Variants in TNIK observed in about 807,000 individuals in gnomAD.
TNIK encodes TRAF2 and NCK-interacting protein kinase.
TNIK carries 49 observed loss-of-function variants against 191.3 expected under a neutral mutation model. The observed-to-expected ratio is 0.26, with a 90% CI of 0.20 to 0.32. The LOEUF is 0.32. Ranked by LOEUF, TNIK falls within the 10% of genes least tolerant of loss-of-function variation. The pLI is 1.00. For synonymous variants in TNIK, 594 were observed against 600.9 expected (o/e 0.99, Z 0.17); for missense variants, 1,155 against 1,702.3 (o/e 0.68, Z 5.66).
intron 28 of TNIK, among the ~76,000 whole-genome samples, chr3:171,077,071 T>TTCC (rs376107233): frequency 5.9e-4 from 84 of 142,978 alleles, no homozygotes; most frequent in African/African-American, 2.2e-3. Flanking sequence ...CCTTTCTTGT[T>TTCC]CCCCCCCCCC....
At chr3:171,206,335 G>GTATATA (rs60356829) in intron 4 of TNIK, among the ~76,000 whole-genome samples, 1,552 of 133,050 alleles carry the variant, frequency 0.012, 35 homozygotes, top group African/African-American at 0.036. Context: ...ATATGTTCGT[G>GTATATA]TATATATATA....
At chr3:171,125,056 ATGTATT>A (rs1355167376) in intron 17 of TNIK, among the ~76,000 whole-genome samples, 3 of 152,188 alleles carry the variant, frequency 2.0e-5, no homozygotes, top group Admixed American at 6.5e-5. Flanking sequence ...AGATGAGGAA[ATGTATT>A]TGTAATTGAG....
intron 2 of TNIK, among the ~76,000 whole-genome samples, chr3:171,323,746 C>T (rs925163859): frequency 6.6e-6 from 1 of 152,106 alleles, no homozygotes; most frequent in Admixed American, 6.5e-5. Flanking sequence ...GCACAGGAAT[C>T]CAAGTGAGAA....
At chr3:171,072,595 A>T (rs541262331) in intron 28 of TNIK, among the ~76,000 whole-genome samples, 9 of 152,270 alleles carry the variant, frequency 5.9e-5, no homozygotes, top group African/African-American at 2.2e-4. Flanking sequence ...GGCAAGATAA[A>T]AAAATAAAAA....
At chr3:171,106,740 A>G (rs1403924836) in intron 21 of TNIK, 3 of 535,174 alleles carry the variant, frequency 5.6e-6, no homozygotes, top group South Asian at 2.8e-5. Context: ...AATGTCCCAC[A>G]AAATTAATCT....
chr3:171,312,019 T>C (rs1049458741), intron 2 of TNIK, among the ~76,000 whole-genome samples: 9 of 149,880 alleles, frequency 6.0e-5, no homozygotes, highest in Non-Finnish European at 1.0e-4. Flanking sequence ...ACCACAAATC[T>C]TAGCCATCTG....
At chr3:171,125,556 T>C (rs1266906608) in intron 17 of TNIK, among the ~76,000 whole-genome samples, 1 of 152,234 alleles carries the variant, frequency 6.6e-6, no homozygotes, top group African/African-American at 2.4e-5. Flanking sequence ...TATCTGGAAG[T>C]TTTCAATTGT....
intron 2 of TNIK, among the ~76,000 whole-genome samples, chr3:171,334,022 TATC>T (rs1219923621): frequency 2.6e-5 from 4 of 152,168 alleles, no homozygotes; most frequent in Non-Finnish European, 5.9e-5. Flanking sequence ...CCACCACTGT[TATC>T]ATCACCCCTC....
Position 171,181,216 on chromosome 3 carries a change from T to C in TNIK, c.640-3836A>G, listed in dbSNP as rs1022133420. Among the ~76,000 whole-genome samples, 4 of 152,210 alleles carry C rather than the reference T, an allele frequency of 2.6e-5. No individual in the cohort carries two copies. In the South Asian group the frequency reaches 6.2e-4, roughly 24 times the overall value. On this transcript the variant is annotated intron_variant, in intron 7 of 32. Transcript: ENST00000436636. ...AATTTAGCTACATGCAGACTGTTGCTCAGAGCTTAGCTTTCTCAATTGCAC... is the reference window on the plus strand; with the variant it reads ...AATTTAGCTACATGCAGACTGTTGCCCAGAGCTTAGCTTTCTCAATTGCAC...
chr3:171,368,356 T>C (rs750924487), intron 2 of TNIK, among the ~76,000 whole-genome samples: 2 of 152,210 alleles, frequency 1.3e-5, no homozygotes, highest in Non-Finnish European at 1.5e-5. Flanking sequence ...CATTAGTTAC[T>C]TCACAAGTTC....
intron 12 of TNIK, among the ~76,000 whole-genome samples, chr3:171,147,303 C>A (rs1475295280): frequency 6.6e-6 from 1 of 152,148 alleles, no homozygotes; most frequent in African/African-American, 2.4e-5. Flanking sequence ...ATGAAAGGAC[C>A]CAGTGTGGTC....
chr3:171,117,150 G>T (rs889063757), intron 18 of TNIK, among the ~76,000 whole-genome samples: 19 of 152,170 alleles, frequency 1.2e-4, no homozygotes, highest in Admixed American at 3.3e-4. Flanking sequence ...CGCAACATAA[G>T]GGTAAATAAC....
chr3:171,237,877 C>G (rs1744491041), intron 2 of TNIK, among the ~76,000 whole-genome samples: 1 of 152,176 alleles, frequency 6.6e-6, no homozygotes, highest in Admixed American at 6.5e-5. Context: ...CTTGTATGTA[C>G]TTGCACTCCT....
rs527899686 is a variant in TNIK at position 171,172,635 on chromosome 3, C to T, written c.773+2617G>A. Among the ~76,000 whole-genome samples the T allele has an allele frequency of 6.6e-5, 10 of 152,312 alleles. No individual in the cohort carries two copies. In the East Asian group the frequency reaches 1.7e-3, roughly 26 times the overall value. On this transcript the variant is annotated intron_variant, in intron 9 of 32. Coordinates refer to ENST00000436636, the MANE Select transcript of TNIK (RefSeq NM_015028.4). ...CATGTGCCTGGAGGCTGCACCACCA[C>T]CTCTACAAAGGCTGGGATCGAAGTG... is the stretch of plus-strand genomic sequence containing the variant.
chr3:171,125,495 G>A (rs1728337127), intron 17 of TNIK, among the ~76,000 whole-genome samples: 1 of 152,060 alleles, frequency 6.6e-6, no homozygotes, highest in Admixed American at 6.6e-5. Context: ...CCTGAAATCT[G>A]GCTTCACTTT....
At chr3:171,419,567 A>C (rs1444636257) in intron 1 of TNIK, among the ~76,000 whole-genome samples, 3 of 152,236 alleles carry the variant, frequency 2.0e-5, no homozygotes, top group Non-Finnish European at 2.9e-5. Context: ...CCTAAGGATG[A>C]AAAAACAAAG....
At chr3:171,254,788 G>A (rs1018266123) in intron 2 of TNIK, among the ~76,000 whole-genome samples, 4 of 152,102 alleles carry the variant, frequency 2.6e-5, no homozygotes, top group Non-Finnish European at 4.4e-5. Flanking sequence ...ATAGCGACTC[G>A]TTCCTTTAAT....
intron 21 of TNIK, among the ~76,000 whole-genome samples, chr3:171,103,484 G>C (rs1331404572): frequency 1.3e-5 from 2 of 152,046 alleles, no homozygotes; most frequent in African/African-American, 2.4e-5. Context: ...TGAAGGGTAT[G>C]CTATTCTTGA....
Position 171,322,536 on chromosome 3 carries a change from T to A in TNIK, c.123+47084A>T, listed in dbSNP as rs79309160. On this transcript the variant is annotated intron_variant, in intron 2 of 32. Transcript: ENST00000436636. Reference sequence around the variant, plus strand: ...AATGTGTTTTCTTTAAAAAAATAACTGGGACCATACTGTATTTTCTACAAT... The same window carrying A: ...AATGTGTTTTCTTTAAAAAAATAACAGGGACCATACTGTATTTTCTACAAT... Among the ~76,000 whole-genome samples, 653 of 152,278 alleles carry A rather than the reference T, an allele frequency of 4.3e-3. 4 individuals are homozygous for A. The highest frequency in any genetic ancestry group is 3.6e-3 in the Non-Finnish European group (247 of 68,006).
Sources: allele counts gnomAD v4.1 joint callset (sites outside exome capture counted in the v4.1 genomes callset), GRCh38; gene constraint gnomAD v4.1.1; transcripts MANE v1.5; gene names NCBI Gene and HGNC (gene_info 2026-07-23, HGNC 2026-07-21).